RIMBP2: variants seen among roughly 807,000 people sequenced by gnomAD.
RIMBP2 encodes the protein RIMS binding protein 2.
A neutral mutation model predicts 118.6 loss-of-function variants in RIMBP2; 48 were observed. That is an observed-to-expected ratio of 0.40 (90% CI 0.32 to 0.51). The LOEUF (loss-of-function observed/expected upper bound fraction) is 0.51, where lower values mean the gene tolerates loss of function less well. Among genes scored for constraint, RIMBP2 ranks in the 20% least tolerant of loss-of-function variants. The pLI is 0.41. For missense variants in RIMBP2, 1,551 were observed against 1,768.3 expected (o/e 0.88, Z 2.20); for synonymous variants, 762 against 742.9 (o/e 1.03, Z -0.42).
intron 2 of RIMBP2, among the ~76,000 whole-genome samples, chr12:130,561,303 A>G (rs942112049): frequency 8.5e-5 from 13 of 152,166 alleles, no homozygotes; most frequent in African/African-American, 3.1e-4. Flanking sequence ...GAATACACAG[A>G]GACACTTATT....
At chr12:130,483,751 G>A (rs1352614715) in intron 4 of RIMBP2, among the ~76,000 whole-genome samples, 20 of 143,402 alleles carry the variant, frequency 1.4e-4, no homozygotes, top group African/African-American at 4.7e-4. Context: ...CCTAGACACA[G>A]TGCCCGGAGC....
chr12:130,566,187 A>ATG (rs2057206412), intron 2 of RIMBP2, among the ~76,000 whole-genome samples: 1 of 152,106 alleles, frequency 6.6e-6, no homozygotes, highest in Non-Finnish European at 1.5e-5. Flanking sequence ...ACACACACAC[A>ATG]CACACACACA....
intron 1 of RIMBP2, among the ~76,000 whole-genome samples, chr12:130,685,853 C>T (rs2065015437): frequency 6.6e-6 from 1 of 152,192 alleles, no homozygotes; most frequent in Non-Finnish European, 1.5e-5. Flanking sequence ...AGCTGAACTG[C>T]GTGTCCGCTG....
intron 1 of RIMBP2, among the ~76,000 whole-genome samples, chr12:130,663,773 G>A (rs542025170): frequency 1.3e-5 from 2 of 151,812 alleles, no homozygotes; most frequent in East Asian, 3.9e-4. Context: ...TTCCTGACTG[G>A]CAACCCTGCT....
chr12:130,613,843 A>T (rs2060725693), intron 2 of RIMBP2, among the ~76,000 whole-genome samples: 1 of 148,088 alleles, frequency 6.8e-6, no homozygotes. Context: ...ACTCAGTCTC[A>T]TTAAGAGACA....
intron 2 of RIMBP2, among the ~76,000 whole-genome samples, chr12:130,570,992 C>T (rs944595760): frequency 2.0e-5 from 3 of 152,122 alleles, no homozygotes; most frequent in Middle Eastern, 3.2e-3. Context: ...CAGGCAAAGG[C>T]CCTGCCCTCA....
intron 1 of RIMBP2, among the ~76,000 whole-genome samples, chr12:130,687,010 A>C (rs1051393277): frequency 6.6e-6 from 1 of 152,242 alleles, no homozygotes; most frequent in Non-Finnish European, 1.5e-5. Context: ...CCCGCTTCCA[A>C]ATAAAATCAC....
chr12:130,619,559 G>A (rs1015727529), intron 2 of RIMBP2, among the ~76,000 whole-genome samples: 6 of 152,170 alleles, frequency 3.9e-5, no homozygotes, highest in African/African-American at 1.4e-4. Context: ...TCTGTATTAA[G>A]GGGTCTGGGA....
intron 6 of RIMBP2, among the ~76,000 whole-genome samples, chr12:130,459,174 G>T (rs1342604064): frequency 6.6e-6 from 1 of 151,990 alleles, no homozygotes. Context: ...TGTGACGAGG[G>T]ACGGTGCCAT....
At chr12:130,680,779 C>G (rs553976692) in intron 1 of RIMBP2, among the ~76,000 whole-genome samples, 8 of 152,316 alleles carry the variant, frequency 5.3e-5, no homozygotes, top group Non-Finnish European at 8.8e-5. Flanking sequence ...AAGGGCAGCC[C>G]GGCCCCGTGG....
At chr12:130,689,880 G>A (rs542292969) in intron 1 of RIMBP2, among the ~76,000 whole-genome samples, 13 of 152,294 alleles carry the variant, frequency 8.5e-5, no homozygotes, top group Admixed American at 3.9e-4. Flanking sequence ...TCAGCCAGGC[G>A]CTCTGCTCAC....
intron 2 of RIMBP2, among the ~76,000 whole-genome samples, chr12:130,574,081 A>G (rs2057907598): frequency 1.3e-5 from 2 of 152,198 alleles, no homozygotes; most frequent in African/African-American, 2.4e-5. Context: ...CGGGGAGGTC[A>G]AGCTTACTTT....
At position 130,450,645 on chromosome 12, in the gene RIMBP2, G is replaced by A. The variant is rs1213643551; in HGVS notation, c.505-369C>T. Among the ~76,000 whole-genome samples, 1 of 145,876 alleles carries A rather than the reference G, an allele frequency of 6.9e-6. No individual in the cohort carries two copies. ...AGCAGTATGTGCACGACCCCCCAGTGATCCCACTCTCACTCCCCCTAGTGC... is the reference window on the plus strand; with the variant it reads ...AGCAGTATGTGCACGACCCCCCAGTAATCCCACTCTCACTCCCCCTAGTGC... On this transcript the variant is annotated intron_variant, in intron 8 of 22. Coordinates refer to ENST00000690449, the MANE Select transcript of RIMBP2 (RefSeq NM_001393629.1). This position sits in a 1 kb window ranked among gnomAD's most constrained non-coding sequence, Gnocchi z 4.8.
intron 2 of RIMBP2, among the ~76,000 whole-genome samples, chr12:130,544,241 G>A (rs942669890): frequency 1.3e-5 from 2 of 152,200 alleles, no homozygotes; most frequent in Non-Finnish European, 2.9e-5. Flanking sequence ...GGGAAGAGAT[G>A]CCTCTGCAAT....
Position 130,621,285 on chromosome 12 carries a change from G to A in RIMBP2, c.-217+7037C>T, listed in dbSNP as rs576292608. Among the ~76,000 whole-genome samples, 2 of 152,200 alleles carry A rather than the reference G, an allele frequency of 1.3e-5. No individual in the cohort carries two copies. The highest frequency in any genetic ancestry group is 2.9e-5 in the Non-Finnish European group (2 of 68,032). ...GGGGCACGTGCCATGGTCGTACACA[G>A]CCCTGCTGGCTTTTTGGGCCTAACT... On this transcript the variant is annotated intron_variant, in intron 2 of 22. Transcript: ENST00000690449. The surrounding 1 kb of genome is among the most constrained non-coding windows in gnomAD (Gnocchi z 6.6).
Position 130,707,394 on chromosome 12 carries a change from C to G in RIMBP2, c.-352+8828G>C, listed in dbSNP as rs149779995. The stretch of plus-strand genomic sequence containing the variant: ...GAGGGAGGCACATCAAGAAACAGAA[C>G]AGGTGATAGGACAGGAGGTCCAGAT... On this transcript the variant is annotated intron_variant, in intron 1 of 22. Coordinates refer to ENST00000690449, the MANE Select transcript of RIMBP2 (RefSeq NM_001393629.1). Among the ~76,000 whole-genome samples the G allele has an allele frequency of 2.0e-4, 31 of 152,264 alleles. 1 individual carries two copies. In the East Asian group the frequency reaches 4.6e-3, roughly 23 times the overall value.
chr12:130,494,144 AGCGCTCATTCTGTATCACT>A (rs1301177190), intron 4 of RIMBP2, among the ~76,000 whole-genome samples: 2 of 152,190 alleles, frequency 1.3e-5, no homozygotes, highest in Non-Finnish European at 2.9e-5. Flanking sequence ...TCTGGGACAG[AGCGCTCATTCTGTATCACT>A]GCGCTGGGGA....
intron 4 of RIMBP2, among the ~76,000 whole-genome samples, chr12:130,484,065 G>C (rs915741774): frequency 2.1e-4 from 32 of 152,312 alleles, no homozygotes; most frequent in African/African-American, 7.7e-4. Flanking sequence ...GGATAGACTG[G>C]AGGCGAAACA....
intron 2 of RIMBP2, among the ~76,000 whole-genome samples, chr12:130,535,181 A>T (rs1194874890): frequency 6.6e-6 from 1 of 151,940 alleles, no homozygotes; most frequent in African/African-American, 2.4e-5. Flanking sequence ...GGGGCTGATG[A>T]ATTTATGATA....
Sources: allele counts gnomAD v4.1 joint callset (sites outside exome capture counted in the v4.1 genomes callset), GRCh38; gene constraint gnomAD v4.1.1; non-coding constraint Gnocchi (gnomAD v3.1); transcripts MANE v1.5; gene names NCBI Gene and HGNC (gene_info 2026-07-23, HGNC 2026-07-21).